Variants in TMPRSS15 observed in about 807,000 individuals in gnomAD.
TMPRSS15 encodes the protein transmembrane serine protease 15.
Under a neutral mutation model 125.3 loss-of-function variants are expected in TMPRSS15, and 128 were observed. That is an observed-to-expected ratio of 1.02 (90% confidence interval 0.89 to 1.18). The LOEUF (loss-of-function observed/expected upper bound fraction) is 1.18, where lower values mean the gene tolerates loss of function less well. Ranked by LOEUF, TMPRSS15 falls within the 50% of genes most tolerant of loss-of-function variation. The probability of loss-of-function intolerance (pLI) is 0.00; values close to 1 mark genes in which losing one functional copy is unlikely to be tolerated. For synonymous variants in TMPRSS15, 446 were observed against 423.2 expected (o/e 1.05, Z -0.66); for missense variants, 1,283 against 1,212.7 (o/e 1.06, Z -0.86).
chr21:18,412,655 A>C (rs2076168964), intron 1 of TMPRSS15, among the ~76,000 whole-genome samples: 1 of 152,164 alleles, frequency 6.6e-6, no homozygotes, highest in South Asian at 2.1e-4. Context: ...CCAGGTATGT[A>C]GTGTGATTTT....
intron 1 of TMPRSS15, among the ~76,000 whole-genome samples, chr21:18,399,830 C>T (rs1448509600): frequency 1.3e-5 from 2 of 151,804 alleles, no homozygotes; most frequent in African/African-American, 2.4e-5. Flanking sequence ...CTTTGAAAGC[C>T]CTAAAGACTC....
rs1285706019 is a variant in TMPRSS15, at chr21:18,269,357, T to C, written c.*612A>G. 3.3e-5 allele frequency: 5 copies of C among 152,262 alleles called. No individual in the cohort carries two copies. Among genetic ancestry groups the C allele is most frequent in the African/African-American group, 1.2e-4 (5 of 41,448 alleles). The allele number at this position is 152,262 out of a possible 1,614,324, so 9.4% of individuals were successfully genotyped here. On this transcript the variant is annotated 3_prime_UTR_variant, in exon 25 of 25. Coordinates refer to ENST00000284885, the MANE Select transcript of TMPRSS15 (RefSeq NM_002772.3). ...ACTATATCAGTTAATTTATCTTTTA[T>C]TTAATTAACTTATTTAAGAGGAACG...
intron 13 of TMPRSS15, among the ~76,000 whole-genome samples, chr21:18,332,719 T>C (rs1315460550): frequency 6.6e-6 from 1 of 152,180 alleles, no homozygotes; most frequent in East Asian, 1.9e-4. Flanking sequence ...GAAATACAAT[T>C]TGACCCAGCA....
intron 6 of TMPRSS15, 69 bp downstream of exon 6, chr21:18,372,098 ATGTGTGTGTGTGTGTGTGTGTGTGTG>A (rs56932398): frequency 1.1e-5 from 6 of 537,608 alleles, no homozygotes; most frequent in East Asian, 8.0e-5. Context: ...TGAGATTAGA[ATGTGTGTGTGTGTGTGTGTGTGTGTG>A]TGTGTGTGTG....
intron 3 of TMPRSS15, among the ~76,000 whole-genome samples, chr21:18,386,688 A>C (rs371298617): frequency 1.6e-4 from 25 of 152,184 alleles, no homozygotes; most frequent in African/African-American, 6.0e-4. Flanking sequence ...GGTTAAAATG[A>C]AGTGAGAGTG....
chr21:18,359,763 A>C lies in TMPRSS15; in HGVS notation c.874T>G (p.Leu292Val). The C allele has an allele frequency of 7.3e-7, 1 of 1,374,846 alleles. No individual in the cohort carries two copies. The highest frequency in any genetic ancestry group is 1.7e-5 in the Admixed American group (1 of 58,728). The allele number at this position is 1,374,846 out of a possible 1,614,324, so 85.2% of individuals were successfully genotyped here. ...IYEGVGSSKI[L>V]RASIWETNPG... ...TATATTTGTTTCAACTTACCTCTTAAAATCTTGCTTGATCCTACACCTTCA... is the reference window on the plus strand; with the variant it reads ...TATATTTGTTTCAACTTACCTCTTACAATCTTGCTTGATCCTACACCTTCA... The change falls in exon 8 of 25, where the codon TTA becomes GTA. Residue 292 changes from leucine (L) to valine (V), a missense_variant. Transcript: ENST00000284885.
intron 1 of TMPRSS15, among the ~76,000 whole-genome samples, chr21:18,458,227 G>GA (rs1569072912): frequency 6.6e-6 from 1 of 152,096 alleles, no homozygotes. Flanking sequence ...GTGCATGAAT[G>GA]AAAAAAATAA....
At chr21:18,386,274 C>T (rs2075943159) in intron 3 of TMPRSS15, among the ~76,000 whole-genome samples, 1 of 152,048 alleles carries the variant, frequency 6.6e-6, no homozygotes, top group African/African-American at 2.4e-5. Context: ...TTATTAGTGT[C>T]AGAGATAGAA....
At chr21:18,365,649 C>CCCTTCCTT (rs57962003) in intron 6 of TMPRSS15, among the ~76,000 whole-genome samples, 5,912 of 65,468 alleles carry the variant, frequency 0.09, 422 homozygotes, top group East Asian at 0.17. Flanking sequence ...TCTTTTTCCT[C>CCCTTCCTT]CCTTCCTTCC....
intron 1 of TMPRSS15, among the ~76,000 whole-genome samples, chr21:18,466,493 G>A (rs1978663601): frequency 6.6e-6 from 1 of 151,638 alleles, no homozygotes. Context: ...CAGAATGGGA[G>A]AAAATTTTTG....
intron 21 of TMPRSS15, among the ~76,000 whole-genome samples, chr21:18,290,843 A>G (rs2146891382): frequency 6.6e-6 from 1 of 152,312 alleles, no homozygotes; most frequent in African/African-American, 2.4e-5. Context: ...TTCAGAAAAA[A>G]AAGTCTCCTG....
At chr21:18,396,826 C>CTATCTATA in intron 3 of TMPRSS15, among the ~76,000 whole-genome samples, 1 of 144,400 alleles carries the variant, frequency 6.9e-6, no homozygotes, top group Admixed American at 7.2e-5. Flanking sequence ...ATCTATCTAT[C>CTATCTATA]TATCTATCTA....
intron 3 of TMPRSS15, among the ~76,000 whole-genome samples, chr21:18,395,231 T>G (rs1367570724): frequency 2.0e-5 from 3 of 152,200 alleles, no homozygotes; most frequent in Non-Finnish European, 2.9e-5. Flanking sequence ...TTCCTGAATA[T>G]GTGACTCTTT....
intron 1 of TMPRSS15, among the ~76,000 whole-genome samples, chr21:18,413,358 T>TCCTA (rs2076172218): frequency 7.2e-6 from 1 of 138,960 alleles, no homozygotes; most frequent in Admixed American, 7.3e-5. Flanking sequence ...CTTCCTTCCT[T>TCCTA]CCTTTCCTTC....
chr21:18,347,122 T>A (rs1459279127), intron 10 of TMPRSS15, among the ~76,000 whole-genome samples: 1 of 152,184 alleles, frequency 6.6e-6, no homozygotes, highest in Non-Finnish European at 1.5e-5. Flanking sequence ...TGAGGTCATT[T>A]AAATCAAACT....
intron 17 of TMPRSS15, among the ~76,000 whole-genome samples, chr21:18,313,893 C>CAA (rs5842679): frequency 6.2e-5 from 8 of 129,848 alleles, no homozygotes; most frequent in Admixed American, 1.5e-4. Flanking sequence ...CCCTCCCCAC[C>CAA]AAAAAAAAAA....
At chr21:18,378,794 C>T (rs2075866232) in intron 5 of TMPRSS15, among the ~76,000 whole-genome samples, 2 of 152,046 alleles carry the variant, frequency 1.3e-5, no homozygotes, top group South Asian at 2.1e-4. Flanking sequence ...ACCAAAGATA[C>T]ATACTGAGAG....
chr21:18,457,754 T>C (rs899740307), intron 1 of TMPRSS15, among the ~76,000 whole-genome samples: 4 of 152,106 alleles, frequency 2.6e-5, no homozygotes, highest in Non-Finnish European at 5.9e-5. Context: ...CTAGGGGATA[T>C]TTGTTGGTAA....
In TMPRSS15 at chr21:18,321,538, G is replaced by A. The variant is rs1388902679; in HGVS notation, c.1921+4894C>T. The stretch of plus-strand genomic sequence containing the variant: ...CAGCTAATATTTTGTATTATTAGTA[G>A]AGACGGGGTTTCACCGTGTTAGCCA... On this transcript the variant is annotated intron_variant, in intron 16 of 24. Transcript: ENST00000284885. Among the ~76,000 whole-genome samples the A allele has an allele frequency of 3.3e-5, 5 of 152,120 alleles. 1 individual carries two copies. In the South Asian group the frequency reaches 1.0e-3, roughly 32 times the overall value.
Sources: gnomAD v4.1 joint callset for allele counts (sites outside exome capture counted in the v4.1 genomes callset) on GRCh38, gnomAD v4.1.1 for gene constraint, MANE v1.5 for transcripts, NCBI Gene and HGNC (gene_info 2026-07-23, HGNC 2026-07-21) for gene names.